QSER1: variants seen among roughly 807,000 people sequenced by gnomAD.
QSER1 encodes glutamine and serine-rich protein 1.
In QSER1, 49 loss-of-function variants were observed where a neutral mutation model predicts 158.5. That is an observed-to-expected ratio of 0.31 (90% CI 0.25 to 0.39). QSER1 has a LOEUF of 0.39. QSER1 is among the 10% of genes least tolerant of loss of function. The probability of loss-of-function intolerance (pLI) is 1.00; values close to 1 mark genes in which losing one functional copy is unlikely to be tolerated. For missense variants in QSER1, 1,754 were observed against 2,010.3 expected, an observed-to-expected ratio of 0.87 and a Z score of 2.44; for synonymous variants, 650 against 715.5, an observed-to-expected ratio of 0.91 and a Z score of 1.46.
chr11:32,961,019 T>C (rs1852613528), intron 8 of QSER1, among the ~76,000 whole-genome samples: 1 of 152,210 alleles, frequency 6.6e-6, no homozygotes, highest in Non-Finnish European at 1.5e-5. Flanking sequence ...ATTCAAAGTT[T>C]TAAAATATTT....
intron 4 of QSER1, among the ~76,000 whole-genome samples, chr11:32,947,846 A>G (rs771870997): frequency 6.6e-6 from 1 of 152,232 alleles, no homozygotes; most frequent in Non-Finnish European, 1.5e-5. Flanking sequence ...CTTTTATCAT[A>G]ATAAAATCTC....
At position 32,975,260 on chromosome 11, in the gene QSER1, G is replaced by A. The variant is rs747020913; in HGVS notation, c.5371G>A (p.Asp1791Asn). Residue 1791 changes from aspartate (D) to asparagine (N), a missense_variant, in exon 12 of 13, where the codon GAT (aspartate) becomes AAT (asparagine). Physicochemically the swap from Asp to Asn is conservative, Grantham distance 23. Transcript: ENST00000650167. ...TTKSAQEFAV[D>N]PEKIQLYSLY... ...TTTCTTTTTATAGGAGTTTGCTGTC[G>A]ATCCAGAGAAAATACAGTTGTATTC... is the stretch of plus-strand genomic sequence containing the variant. 2 of 1,557,624 alleles carry A rather than the reference G, an allele frequency of 1.3e-6. No individual in the cohort carries two copies. The highest frequency in any genetic ancestry group is 1.2e-5 in the South Asian group (1 of 82,000).
chr11:32,911,853 C>T (rs755876206), intron 1 of QSER1, among the ~76,000 whole-genome samples: 49 of 152,320 alleles, frequency 3.2e-4, no homozygotes, highest in Middle Eastern at 6.8e-3. Flanking sequence ...TGGACTAATA[C>T]ACCCTATAAT....
chr11:32,972,027 C>T (rs1852869440), intron 10 of QSER1, among the ~76,000 whole-genome samples: 1 of 149,074 alleles, frequency 6.7e-6, no homozygotes, highest in African/African-American at 2.5e-5. Flanking sequence ...CACGCCACTG[C>T]ACTCTAGCCT....
intron 4 of QSER1, among the ~76,000 whole-genome samples, chr11:32,947,401 A>G (rs1282035218): frequency 6.6e-6 from 1 of 152,212 alleles, no homozygotes; most frequent in East Asian, 1.9e-4. Flanking sequence ...GTACTAATAG[A>G]TTTCATTAAT....
At chr11:32,913,605 G>T (rs895590793) in intron 1 of QSER1, among the ~76,000 whole-genome samples, 2 of 152,132 alleles carry the variant, frequency 1.3e-5, no homozygotes, top group African/African-American at 4.8e-5. Flanking sequence ...CATAACACTT[G>T]GCAGTCAGTA....
chr11:32,900,974 A>G (rs1243200373), intron 1 of QSER1, among the ~76,000 whole-genome samples: 1 of 152,190 alleles, frequency 6.6e-6, no homozygotes, highest in African/African-American at 2.4e-5. Context: ...TCCCGATACC[A>G]CTAACCATCA....
chr11:32,931,699 T>A (rs763431569), intron 3 of QSER1, 44 bp from the exon 4 acceptor site: 1 of 1,420,224 alleles, frequency 7.0e-7, no homozygotes, highest in African/African-American at 1.4e-5. Flanking sequence ...CATAAAGTAA[T>A]TGTGCCATAA....
At position 32,935,428 on chromosome 11, in the gene QSER1, G is replaced by A; in HGVS notation, c.4170G>A (p.Lys1390=). Residue 1390 remains lysine (K), a synonymous_variant, in exon 4 of 13, where the codon AAG becomes AAA. Transcript: ENST00000650167. ...TGGATGCTACTTCTGATAAAAAGAA[G>A]AAAACAGGTAAAGTTTTACAATTTA... ...TTLDATSDKK[K]KTEALQVATT... is the part of the protein sequence containing the mutation. 6.7e-7 allele frequency: 1 copy of A among 1,499,954 alleles called. No individual in the cohort carries two copies. Among genetic ancestry groups the A allele is most frequent in the Non-Finnish European group, 8.8e-7 (1 of 1,131,466 alleles). 92.9% of individuals were successfully genotyped at this position (1,499,954 alleles called of 1,614,324 possible). A position where few individuals can be genotyped will look rare whatever the true frequency, so the allele number is the denominator to read the frequency against.
chr11:32,907,391 C>A (rs1050613456), intron 1 of QSER1, among the ~76,000 whole-genome samples: 1 of 152,082 alleles, frequency 6.6e-6, no homozygotes, highest in Non-Finnish European at 1.5e-5. Flanking sequence ...TATTTTTGGA[C>A]AGATTTCCTT....
chr11:32,932,729 A>G lies in QSER1; in HGVS notation c.1471A>G (p.Arg491Gly), dbSNP rs762378309. 9 of 1,614,176 alleles carry G rather than the reference A, an allele frequency of 5.6e-6. No homozygotes were observed. In the Admixed American group the frequency reaches 1.5e-4, roughly 27 times the overall value. The part of the protein sequence containing the change: ...VPSIVHSQVY[R>G]SSKVEKLPPL... ...ATCTATTGTTCATTCACAGGTTTAT[A>G]GGTCCAGCAAGGTTGAGAAATTGCC... Residue 491 changes from arginine to glycine, a missense_variant, in exon 4 of 13, where the codon AGG becomes GGG. Arg to Gly is a moderately radical substitution (Grantham distance 125). Transcript: ENST00000650167.
At chr11:32,917,830 A>AAC (rs1474104681) in intron 1 of QSER1, among the ~76,000 whole-genome samples, 1 of 151,282 alleles carries the variant, frequency 6.6e-6, no homozygotes, top group Non-Finnish European at 1.5e-5. Flanking sequence ...TCAAAAAAAA[A>AAC]AAAAAAAAAA....
intron 1 of QSER1, among the ~76,000 whole-genome samples, chr11:32,923,930 T>C (rs901365315): frequency 2.6e-5 from 4 of 152,142 alleles, no homozygotes; most frequent in Admixed American, 2.6e-4. Context: ...ATCGCACCAC[T>C]GCACTCCAGC....
chr11:32,961,314 C>A (rs1852620331), intron 8 of QSER1, among the ~76,000 whole-genome samples: 1 of 152,098 alleles, frequency 6.6e-6, no homozygotes, highest in Admixed American at 6.6e-5. Context: ...CTTGAGTTTT[C>A]ATGCTATTAC....
intron 1 of QSER1, among the ~76,000 whole-genome samples, chr11:32,901,429 T>A (rs2133491251): frequency 1.3e-5 from 2 of 152,318 alleles, no homozygotes; most frequent in South Asian, 4.2e-4. Context: ...TTCAAGGGGA[T>A]CATGGTAGCA....
chr11:32,921,255 G>C (rs1242460449), intron 1 of QSER1, among the ~76,000 whole-genome samples: 1 of 152,186 alleles, frequency 6.6e-6, no homozygotes. Context: ...AAAGGCCACA[G>C]GTAGTATGAT....
chr11:32,922,903 C>T lies in QSER1; in HGVS notation c.210-4254C>T, dbSNP rs145874935. Among the ~76,000 whole-genome samples, 302 of 152,176 alleles carry T rather than the reference C, an allele frequency of 2.0e-3. 2 individuals carry two copies. The highest frequency in any genetic ancestry group is 7.0e-3 in the African/African-American group (292 of 41,514). Reference sequence around the variant, plus strand: ...AAAATGTTATAGCCACTCTGGAAAACATGCAGTTTATCTGAGTTAAAGATA... The same window carrying T: ...AAAATGTTATAGCCACTCTGGAAAATATGCAGTTTATCTGAGTTAAAGATA... On this transcript the variant is annotated intron_variant, in intron 1 of 12. Transcript: ENST00000650167.
intron 1 of QSER1, among the ~76,000 whole-genome samples, chr11:32,895,186 A>G (rs1229383067): frequency 6.6e-6 from 1 of 152,240 alleles, no homozygotes; most frequent in Non-Finnish European, 1.5e-5. Flanking sequence ...CACTTGGCAC[A>G]CATAATCTAA....
chr11:32,901,446 A>G (rs1052984535), intron 1 of QSER1, among the ~76,000 whole-genome samples: 1 of 152,216 alleles, frequency 6.6e-6, no homozygotes, highest in Non-Finnish European at 1.5e-5. Context: ...AGCATTTGTC[A>G]AGTAGATTGC....
Sources: allele counts gnomAD v4.1 joint callset (sites outside exome capture counted in the v4.1 genomes callset), GRCh38; gene constraint gnomAD v4.1.1; transcripts MANE v1.5; gene names NCBI Gene and HGNC (gene_info 2026-07-23, HGNC 2026-07-21).